The following SPEF2 variants were observed in gnomAD, a reference collection of about 807,000 sequenced individuals.
SPEF2 encodes sperm flagella and cilia-associated protein 2.
A neutral mutation model predicts 224.6 loss-of-function variants in SPEF2; 187 were observed. That is an observed-to-expected ratio of 0.83 (90% CI 0.74 to 0.94). SPEF2 has a LOEUF of 0.94. SPEF2 is among the 40% of genes least tolerant of loss of function. SPEF2 has a pLI of 0.00. For synonymous variants in SPEF2, 715 were observed against 707.3 expected (o/e 1.01, Z -0.17); for missense variants, 2,170 against 2,135.6 (o/e 1.02, Z -0.32).
In SPEF2 at chr5:35,659,082, A is replaced by G. The variant is rs201035950; in HGVS notation, c.1042A>G (p.Ile348Val). Reference protein sequence around the residue: ...LMRQSQQERRIAVQLMHVRHE... With the variant: ...LMRQSQQERRVAVQLMHVRHE... The stretch of plus-strand genomic sequence containing the variant: ...GCGGCAGTCCCAGCAGGAGCGCAGG[A>G]TTGCCGTGCAGCTCATGCATGTTCG... The change falls in exon 8 of 37, where the codon ATT (isoleucine) becomes GTT (valine). Residue 348 changes from isoleucine to valine, a missense_variant. Transcript: ENST00000356031. 25 of 1,611,358 alleles carry G rather than the reference A, an allele frequency of 1.6e-5. No individual in the cohort carries two copies. Among genetic ancestry groups the G allele is most frequent in the East Asian group, 2.2e-5 (1 of 44,740 alleles).
chr5:35,697,195 T>A (rs976908218), intron 14 of SPEF2, among the ~76,000 whole-genome samples: 3 of 152,132 alleles, frequency 2.0e-5, no homozygotes, highest in African/African-American at 7.2e-5. Flanking sequence ...AACCTATAAA[T>A]AACAAGTATA....
chr5:35,809,433 G>A (rs1003098959), intron 36 of SPEF2, among the ~76,000 whole-genome samples: 1 of 152,098 alleles, frequency 6.6e-6, no homozygotes, highest in Non-Finnish European at 1.5e-5. Context: ...GCCCAAGAAG[G>A]AATAAGCTAG....
At position 35,740,241 on chromosome 5, in the gene SPEF2, A is replaced by G. The variant is rs200371753; in HGVS notation, c.3304A>G (p.Lys1102Glu). Residue 1102 changes from lysine to glutamate, a missense_variant, in exon 23 of 37, where the codon AAG becomes GAG. Coordinates refer to ENST00000356031, the MANE Select transcript of SPEF2 (RefSeq NM_024867.4). ...TGACCTGTGGGATGATGAGGAAACA[A>G]AGGCTGAACTACATCAACGAGTGAA... ...PDDLWDDEET[K>E]AELHQRVNDL... is the part of the protein sequence containing the mutation. 95 of 1,614,128 alleles carry G rather than the reference A, an allele frequency of 5.9e-5. 1 individual carries two copies. The African/African-American group carries it at 1.1e-3, about 19-fold the overall frequency.
At chr5:35,657,921 G>T (rs79242611) in intron 7 of SPEF2, among the ~76,000 whole-genome samples, 2,064 of 152,298 alleles carry the variant, frequency 0.014, 30 homozygotes, top group South Asian at 0.054. Context: ...TGAATACTTA[G>T]CTGTCAGGTC....
intron 2 of SPEF2, among the ~76,000 whole-genome samples, chr5:35,640,224 C>T (rs1374994631): frequency 1.3e-5 from 2 of 152,088 alleles, no homozygotes; most frequent in Non-Finnish European, 2.9e-5. Flanking sequence ...TTTGGACTCT[C>T]CCTCCTGAAT....
rs184835589 is a variant in SPEF2, at chr5:35,733,057, C to G, written c.3063+5234C>G. Among the ~76,000 whole-genome samples, 24 of 152,224 alleles carry G rather than the reference C, an allele frequency of 1.6e-4. No homozygotes were observed. In the East Asian group the frequency reaches 4.4e-3, roughly 28 times the overall value. ...CTGTGGGTCTGGGAACATATCCCCC[C>G]CTGACAAATGGAATTTCTGTAAGCA... On this transcript the variant is annotated intron_variant, in intron 21 of 36. Transcript: ENST00000356031.
intron 23 of SPEF2, among the ~76,000 whole-genome samples, chr5:35,741,854 G>A (rs1408246018): frequency 2.0e-5 from 3 of 152,010 alleles, no homozygotes; most frequent in African/African-American, 7.2e-5. Context: ...TATTCATAAA[G>A]CCAGCCTTCC....
chr5:35,722,629 T>G (rs1451292173), intron 20 of SPEF2, among the ~76,000 whole-genome samples: 1 of 70,352 alleles, frequency 1.4e-5, no homozygotes, highest in Non-Finnish European at 2.7e-5. Context: ...ATGCTATCCC[T>G]CCCCCCTCCC....
intron 10 of SPEF2, chr5:35,678,574 T>C (rs183296302): frequency 2.0e-5 from 3 of 152,328 alleles, no homozygotes; most frequent in African/African-American, 7.2e-5. Context: ...TAGCTAACCA[T>C]ACGCTGACCT....
At chr5:35,719,673 G>A (rs1004458358) in intron 20 of SPEF2, among the ~76,000 whole-genome samples, 1 of 152,116 alleles carries the variant, frequency 6.6e-6, no homozygotes, top group South Asian at 2.1e-4. Flanking sequence ...CTAGGTTGGG[G>A]TGCAGTAGCG....
chr5:35,778,441 T>TA (rs1348305190), intron 29 of SPEF2, among the ~76,000 whole-genome samples: 1 of 152,128 alleles, frequency 6.6e-6, no homozygotes, highest in Non-Finnish European at 1.5e-5. Flanking sequence ...GAGAGTGTCC[T>TA]AGGATGAGAA....
At chr5:35,706,721 T>C (rs920112402) in intron 18 of SPEF2, among the ~76,000 whole-genome samples, 7 of 152,120 alleles carry the variant, frequency 4.6e-5, no homozygotes, top group African/African-American at 1.4e-4. Flanking sequence ...AAATTGCCCA[T>C]AGACATAAAC....
chr5:35,709,067 C>G lies in SPEF2; in HGVS notation c.2785C>G (p.His929Asp), dbSNP rs749861228. ...TGAACCAGAAAAAGAGAAGGAAATT[C>G]ATCAAAGCCATGTGGCTTCAAAAAC... The part of the protein sequence containing the change: ...PPEPEKEKEI[H>D]QSHVASKTPT... The change falls in exon 19 of 37, where the codon CAT becomes GAT. Residue 929 changes from histidine (H) to aspartate (D), a missense_variant. His to Asp is a moderately conservative substitution (Grantham distance 81, BLOSUM62 -1). Coordinates refer to ENST00000356031, the MANE Select transcript of SPEF2 (RefSeq NM_024867.4). 1 of 1,613,814 alleles carries G rather than the reference C, an allele frequency of 6.2e-7. No individual in the cohort carries two copies. Among genetic ancestry groups the G allele is most frequent in the Non-Finnish European group, 8.5e-7 (1 of 1,179,972 alleles).
intron 20 of SPEF2, among the ~76,000 whole-genome samples, chr5:35,720,156 T>C (rs1296080432): frequency 6.6e-6 from 1 of 152,194 alleles, no homozygotes; most frequent in Non-Finnish European, 1.5e-5. Context: ...AGAATACTCA[T>C]AGATAGGTTC....
intron 34 of SPEF2, 119 bp downstream of exon 34, chr5:35,800,266 A>C: frequency 9.0e-7 from 1 of 1,107,188 alleles, no homozygotes; most frequent in Non-Finnish European, 1.3e-6. Context: ...GTGTAATATG[A>C]TGCTTTACAC....
intron 26 of SPEF2, chr5:35,764,708 CCAA>C: frequency 2.2e-6 from 1 of 456,186 alleles, no homozygotes; most frequent in Non-Finnish European, 4.4e-6. Context: ...AACAAAATTT[CCAA>C]CTGGGCACTT....
At chr5:35,662,737 G>T (rs1749918147) in intron 8 of SPEF2, among the ~76,000 whole-genome samples, 1 of 152,024 alleles carries the variant, frequency 6.6e-6, no homozygotes. Context: ...CTGATGACTG[G>T]AGGTGTGTGG....
intron 25 of SPEF2, among the ~76,000 whole-genome samples, chr5:35,762,248 T>C (rs1261039748): frequency 6.6e-6 from 1 of 152,192 alleles, no homozygotes; most frequent in Non-Finnish European, 1.5e-5. Flanking sequence ...TTCTTTCCAG[T>C]AAATAAATTC....
At chr5:35,648,963 G>C (rs1747800286) in intron 5 of SPEF2, among the ~76,000 whole-genome samples, 1 of 150,114 alleles carries the variant, frequency 6.7e-6, no homozygotes, top group African/African-American at 2.5e-5. Context: ...GCCTTGAGCC[G>C]AGATCGCGCC....
Sources: gnomAD v4.1 joint callset for allele counts (sites outside exome capture counted in the v4.1 genomes callset) on GRCh38, gnomAD v4.1.1 for gene constraint, MANE v1.5 for transcripts, NCBI Gene and HGNC (gene_info 2026-07-23, HGNC 2026-07-21) for gene names.